Variants in DNAJB6 observed in about 807,000 individuals in gnomAD.
DNAJB6 encodes DnaJ heat shock protein family (Hsp40) member B6.
DNAJB6 carries 16 observed loss-of-function variants against 42.7 expected under a neutral mutation model. The ratio of observed to expected loss-of-function variants is 0.37; its 90% CI spans 0.25 to 0.57. The LOEUF (loss-of-function observed/expected upper bound fraction) is 0.57, where lower values mean the gene tolerates loss of function less well. Ranked by LOEUF, DNAJB6 falls within the 20% of genes least tolerant of loss-of-function variation. The pLI is 0.74. For synonymous variants in DNAJB6, 170 were observed against 163.5 expected, an observed-to-expected ratio of 1.04 and a Z score of -0.30; for missense variants, 347 against 416.8, an observed-to-expected ratio of 0.83 and a Z score of 1.46.
chr7:157,400,096 AG>A (rs1378393843), intron 8 of DNAJB6, among the ~76,000 whole-genome samples: 24 of 152,384 alleles, frequency 1.6e-4, no homozygotes, highest in African/African-American at 5.5e-4. Context: ...CAAAACATGA[AG>A]TAGATATTGA....
intron 5 of DNAJB6, among the ~76,000 whole-genome samples, chr7:157,375,644 G>A (rs1800434373): frequency 6.6e-6 from 1 of 152,212 alleles, no homozygotes; most frequent in Non-Finnish European, 1.5e-5. Flanking sequence ...GCACTTCAGG[G>A]CGGAGCTCCG....
rs571033003 is a variant in DNAJB6, at chr7:157,407,552, G to A, written c.692-2243G>A. ...AGGTTCTGGTTGGCCCTTTGCTGCT[G>A]TGTGCGTGGGTCCCTTCGTCTCTCC... On this transcript the variant is annotated intron_variant, in intron 8 of 9. Transcript: ENST00000262177. Among the ~76,000 whole-genome samples the A allele has an allele frequency of 3.3e-5, 5 of 152,296 alleles. No individual in the cohort carries two copies. In the South Asian group the frequency reaches 1.0e-3, roughly 32 times the overall value.
chr7:157,410,196 G>A (rs921867536), intron 9 of DNAJB6, 195 bp downstream of exon 9: 3 of 1,339,698 alleles, frequency 2.2e-6, no homozygotes, highest in Non-Finnish European at 2.9e-6. Flanking sequence ...CGGTGGCTCC[G>A]GGCCCCCCAC....
At chr7:157,370,350 A>T (rs1337627509) in intron 5 of DNAJB6, among the ~76,000 whole-genome samples, 1 of 152,186 alleles carries the variant, frequency 6.6e-6, no homozygotes. Flanking sequence ...ATTATTAAAC[A>T]GGCCGTTTCT....
In DNAJB6 at chr7:157,409,704, G is replaced by T. The variant is rs190571519; in HGVS notation, c.692-91G>T. On this transcript the variant is annotated intron_variant, in intron 8 of 9. Coordinates refer to ENST00000262177, the MANE Select transcript of DNAJB6 (RefSeq NM_058246.4). Reference sequence around the variant, plus strand: ...GAGATGGCGCGTCTGGATTCAGGGAGATCGTGCGGCCAGCTTCCCTCCCTC... The same window carrying T: ...GAGATGGCGCGTCTGGATTCAGGGATATCGTGCGGCCAGCTTCCCTCCCTC... The T allele has an allele frequency of 8.8e-6, 12 of 1,366,974 alleles. No individual in the cohort carries two copies. In the African/African-American group the frequency reaches 1.2e-4, roughly 13 times the overall value. 84.7% of individuals were successfully genotyped at this position (1,366,974 alleles called of 1,614,324 possible). A position where few individuals can be genotyped will look rare whatever the true frequency, so the allele number is the denominator to read the frequency against.
At position 157,375,370 on chromosome 7, in the gene DNAJB6, A is replaced by T. The variant is rs374992175; in HGVS notation, c.347-6876A>T. 2.4e-4 allele frequency among the ~76,000 whole-genome samples: 37 copies of T among 152,284 alleles called. No individual in the cohort carries two copies. In the East Asian group the frequency reaches 6.4e-3, roughly 26 times the overall value. On this transcript the variant is annotated intron_variant, in intron 5 of 9. Coordinates refer to ENST00000262177, the MANE Select transcript of DNAJB6 (RefSeq NM_058246.4). Reference sequence around the variant, plus strand: ...CCTCATCTCATGTTGGCTCTTTTGTATTTGAAATAGAATAATTTGATTGCA... The same window carrying T: ...CCTCATCTCATGTTGGCTCTTTTGTTTTTGAAATAGAATAATTTGATTGCA...
intron 7 of DNAJB6, among the ~76,000 whole-genome samples, chr7:157,385,308 A>G (rs1290221327): frequency 6.6e-6 from 1 of 152,248 alleles, no homozygotes. Context: ...TAGCCTCTGC[A>G]TGTATTTAGC....
chr7:157,375,274 TC>T (rs922554466), intron 5 of DNAJB6, among the ~76,000 whole-genome samples: 9 of 152,196 alleles, frequency 5.9e-5, no homozygotes, highest in African/African-American at 2.2e-4. Context: ...CTGCTGCTGT[TC>T]TGGTGGTTTC....
rs112593009 is a variant in DNAJB6, at chr7:157,365,863, C to T, written c.176-639C>T. On this transcript the variant is annotated intron_variant, in intron 3 of 9. Coordinates refer to ENST00000262177, the MANE Select transcript of DNAJB6 (RefSeq NM_058246.4). ...ATTTTTAGTAGAGACTGGGTTTCTC[C>T]GTGTTGGCCAGGCTGCTCTCGAACT... 1.7e-3 allele frequency among the ~76,000 whole-genome samples: 251 copies of T among 151,864 alleles called. 1 individual carries two copies. The highest frequency in any genetic ancestry group is 5.1e-3 in the African/African-American group (210 of 41,404).
intron 1 of DNAJB6, among the ~76,000 whole-genome samples, chr7:157,348,841 C>T (rs772067865): frequency 1.3e-5 from 2 of 152,128 alleles, no homozygotes; most frequent in Admixed American, 6.6e-5. Flanking sequence ...TAACTTGCTG[C>T]GTCCCACATG....
At chr7:157,348,834 C>T (rs1448540921) in intron 1 of DNAJB6, among the ~76,000 whole-genome samples, 1 of 152,140 alleles carries the variant, frequency 6.6e-6, no homozygotes, top group South Asian at 2.1e-4. Flanking sequence ...ACCCTACTAA[C>T]TTGCTGCGTC....
At chr7:157,355,362 G>A (rs971624505) in intron 1 of DNAJB6, among the ~76,000 whole-genome samples, 1 of 152,170 alleles carries the variant, frequency 6.6e-6, no homozygotes, top group Admixed American at 6.5e-5. Flanking sequence ...GAGTTTCACC[G>A]TGTTAGCCAG....
rs994624000 is a variant in DNAJB6, at chr7:157,363,242, A to C, written c.147A>C (p.Val49=). 2 of 1,611,030 alleles carry C rather than the reference A, an allele frequency of 1.2e-6. No homozygotes were observed. The highest frequency in any genetic ancestry group is 2.7e-5 in the African/African-American group (2 of 74,890). Residue 49 remains valine, a synonymous_variant, in exon 3 of 10, where the codon GTA becomes GTC. Coordinates refer to ENST00000262177, the MANE Select transcript of DNAJB6 (RefSeq NM_058246.4). ...AAGCAGAGAGAAAATTCAAGCAAGTAGCGGAGGCATATGAAGTGCTGTCGG... is the reference window on the plus strand; with the variant it reads ...AAGCAGAGAGAAAATTCAAGCAAGTCGCGGAGGCATATGAAGTGCTGTCGG... ...KEEAERKFKQ[V]AEAYEVLSDA... is the part of the protein sequence containing the mutation.
intron 8 of DNAJB6, among the ~76,000 whole-genome samples, chr7:157,395,413 G>A (rs1801537292): frequency 1.3e-5 from 2 of 152,142 alleles, no homozygotes; most frequent in African/African-American, 4.8e-5. Context: ...TGTTTTTCCT[G>A]CGTATGCAGG....
chr7:157,379,742 T>G (rs534325108), intron 5 of DNAJB6: 1 of 151,808 alleles, frequency 6.6e-6, no homozygotes, highest in South Asian at 2.1e-4. Context: ...TGCCTTGGCC[T>G]CCTCAGGAGC....
chr7:157,345,436 T>G (rs968927729), intron 1 of DNAJB6, among the ~76,000 whole-genome samples: 35 of 152,292 alleles, frequency 2.3e-4, no homozygotes, highest in Admixed American at 5.2e-4. Flanking sequence ...CATTTCAGCC[T>G]CCTGCATAGC....
At chr7:157,367,872 AG>A in intron 5 of DNAJB6, among the ~76,000 whole-genome samples, 1 of 152,048 alleles carries the variant, frequency 6.6e-6, no homozygotes, top group Non-Finnish European at 1.5e-5. Context: ...AAAAAAAAAA[AG>A]TTAACATTGT....
intron 8 of DNAJB6, among the ~76,000 whole-genome samples, chr7:157,397,761 C>T (rs749344834): frequency 3.9e-5 from 6 of 152,208 alleles, no homozygotes; most frequent in Non-Finnish European, 8.8e-5. Flanking sequence ...GGCACCTGTT[C>T]TCCCTCTCGA....
chr7:157,409,330 C>T (rs891546625), intron 8 of DNAJB6, among the ~76,000 whole-genome samples: 3 of 152,328 alleles, frequency 2.0e-5, no homozygotes, highest in Admixed American at 6.5e-5. Flanking sequence ...TGGGCGCCGC[C>T]GCTGCTGCCA....
Sources: allele counts gnomAD v4.1 joint callset (sites outside exome capture counted in the v4.1 genomes callset), GRCh38; gene constraint gnomAD v4.1.1; transcripts MANE v1.5; gene names NCBI Gene and HGNC (gene_info 2026-07-23, HGNC 2026-07-21).